The following PTPRT variants were observed in gnomAD, a reference collection of about 807,000 sequenced individuals.
PTPRT encodes the protein receptor-type tyrosine-protein phosphatase T.
A neutral mutation model predicts 176.8 loss-of-function variants in PTPRT; 56 were observed. The observed-to-expected ratio is 0.32, with a 90% CI of 0.26 to 0.40. PTPRT has a LOEUF of 0.40. Among genes scored for constraint, PTPRT ranks in the 10% least tolerant of loss-of-function variants. The pLI is 1.00. For missense variants in PTPRT, 1,540 were observed against 1,908.2 expected (o/e 0.81, Z 3.60); for synonymous variants, 783 against 739.0 (o/e 1.06, Z -0.96).
Position 42,976,407 on chromosome 20 carries a change from A to T in PTPRT, c.89-90475T>A, listed in dbSNP as rs936631756. On this transcript the variant is annotated intron_variant, in intron 1 of 30. Transcript: ENST00000373187. ...AAAGTATAGTATGCATTTTTTATTT[A>T]TTTTTTTTTTTTTATTGAGACAGAG... Among the ~76,000 whole-genome samples the T allele has an allele frequency of 2.4e-3, 351 of 145,564 alleles. 1 individual carries two copies. Among genetic ancestry groups the T allele is most frequent in the African/African-American group, 8.2e-3 (331 of 40,156 alleles).
At chr20:42,921,447 C>T (rs1439677100) in intron 1 of PTPRT, among the ~76,000 whole-genome samples, 1 of 152,048 alleles carries the variant, frequency 6.6e-6, no homozygotes, top group Non-Finnish European at 1.5e-5. Context: ...TAGCTGGGCA[C>T]GATGGCATCC....
intron 1 of PTPRT, among the ~76,000 whole-genome samples, chr20:43,091,206 C>A (rs2011834225): frequency 6.6e-6 from 1 of 151,902 alleles, no homozygotes; most frequent in Non-Finnish European, 1.5e-5. Flanking sequence ...GCACTCCAGC[C>A]TGGGCGACGG....
At chr20:42,948,922 A>G (rs909816467) in intron 1 of PTPRT, among the ~76,000 whole-genome samples, 35 of 152,204 alleles carry the variant, frequency 2.3e-4, no homozygotes, top group African/African-American at 8.0e-4. Flanking sequence ...CCAAATGGAC[A>G]GGCTGCTGGG....
At chr20:42,309,813 A>G (rs1309433378) in intron 12 of PTPRT, among the ~76,000 whole-genome samples, 1 of 152,112 alleles carries the variant, frequency 6.6e-6, no homozygotes, top group Non-Finnish European at 1.5e-5. Flanking sequence ...AAAACAAAAA[A>G]CCCAAACACA....
intron 1 of PTPRT, among the ~76,000 whole-genome samples, chr20:43,064,416 G>A (rs1381234095): frequency 6.6e-6 from 1 of 152,150 alleles, no homozygotes; most frequent in African/African-American, 2.4e-5. Flanking sequence ...ATGAAATGTT[G>A]AGGTTGTTAT....
At chr20:42,452,731 A>G (rs1329486568) in intron 8 of PTPRT, among the ~76,000 whole-genome samples, 1 of 152,182 alleles carries the variant, frequency 6.6e-6, no homozygotes, top group African/African-American at 2.4e-5. Flanking sequence ...TCTGGGGAAA[A>G]TTCTCTTTCT....
At chr20:42,164,998 C>G (rs141801363) in intron 16 of PTPRT, among the ~76,000 whole-genome samples, 3 of 152,248 alleles carry the variant, frequency 2.0e-5, no homozygotes, top group African/African-American at 4.8e-5. Context: ...TTACCTAACC[C>G]TGTGAATTCC....
At chr20:43,017,943 T>C (rs1023597958) in intron 1 of PTPRT, among the ~76,000 whole-genome samples, 4 of 152,220 alleles carry the variant, frequency 2.6e-5, no homozygotes, top group Non-Finnish European at 5.9e-5. Flanking sequence ...TCACCCTCCA[T>C]GTGGCCATCT....
At chr20:42,993,252 A>C (rs1016811651) in intron 1 of PTPRT, among the ~76,000 whole-genome samples, 3 of 151,220 alleles carry the variant, frequency 2.0e-5, no homozygotes, top group African/African-American at 7.3e-5. Context: ...CCCTGTCTCT[A>C]CTAAAAATAC....
At position 42,274,243 on chromosome 20, in the gene PTPRT, G is replaced by A. The variant is rs1055941269; in HGVS notation, c.2176+8246C>T. On this transcript the variant is annotated intron_variant, in intron 13 of 30. Coordinates refer to ENST00000373187, the MANE Select transcript of PTPRT (RefSeq NM_007050.6). ...AGTGGAAGTGGCATGAGTCATTTCC[G>A]AGTGACATATTTAAGATCCAAGTTG... Among the ~76,000 whole-genome samples the A allele has an allele frequency of 9.0e-4, 137 of 152,308 alleles. 2 individuals carry two copies. Among genetic ancestry groups the A allele is most frequent in the Non-Finnish European group, 1.1e-3 (75 of 68,028 alleles).
chr20:42,835,903 T>C (rs1418051233), intron 2 of PTPRT, among the ~76,000 whole-genome samples: 2 of 152,102 alleles, frequency 1.3e-5, no homozygotes, highest in African/African-American at 4.8e-5. Context: ...ATGAAGACAG[T>C]CTGCATTTAG....
the PTPRT span, among the ~76,000 whole-genome samples, chr20:42,039,328 A>G: frequency 2.0e-5 from 3 of 152,178 alleles, no homozygotes; most frequent in Admixed American, 6.5e-5. Flanking sequence ...ATTAGTTCAC[A>G]TACCTATTTT....
intron 9 of PTPRT, among the ~76,000 whole-genome samples, chr20:42,384,110 G>A (rs750043358): frequency 4.6e-5 from 7 of 152,170 alleles, no homozygotes; most frequent in Non-Finnish European, 7.3e-5. Flanking sequence ...TGTCACTGTG[G>A]GGCTTCACGT....
intron 1 of PTPRT, among the ~76,000 whole-genome samples, chr20:43,079,182 C>G (rs1427431055): frequency 7.5e-6 from 1 of 133,138 alleles, no homozygotes; most frequent in Non-Finnish European, 1.6e-5. Flanking sequence ...CTCCCTCCCC[C>G]CCCCCAGCCC....
chr20:43,141,582 C>T (rs2014007182), intron 1 of PTPRT, among the ~76,000 whole-genome samples: 1 of 152,212 alleles, frequency 6.6e-6, no homozygotes, highest in Non-Finnish European at 1.5e-5. Flanking sequence ...GCCACGTGTC[C>T]AAGCCCAGAT....
chr20:42,255,967 T>C (rs1472979217), intron 13 of PTPRT, among the ~76,000 whole-genome samples: 2 of 152,190 alleles, frequency 1.3e-5, no homozygotes, highest in Non-Finnish European at 1.5e-5. Context: ...AGGCAAATCT[T>C]ACTTTGCTGG....
chr20:42,315,646 G>T, intron 12 of PTPRT, 77 bp downstream of exon 12: 1 of 1,517,538 alleles, frequency 6.6e-7, no homozygotes, highest in East Asian at 2.3e-5. Flanking sequence ...CTCTGCTCTA[G>T]AGCCCTGCTG....
chr20:43,071,505 C>T (rs2011179734), intron 1 of PTPRT, among the ~76,000 whole-genome samples: 1 of 152,158 alleles, frequency 6.6e-6, no homozygotes, highest in Non-Finnish European at 1.5e-5. Flanking sequence ...AAAGTTCAGG[C>T]CAGGCGCGGT....
At chr20:42,099,546 C>CGGGGGGGGGGGGG (rs59137378) in intron 26 of PTPRT, among the ~76,000 whole-genome samples, 1 of 28,910 alleles carries the variant, frequency 3.5e-5, no homozygotes, top group African/African-American at 1.3e-4. Context: ...ATGGCCTGGG[C>CGGGGGGGGGGGGG]GGGGGGGGGG....
Sources: allele counts gnomAD v4.1 joint callset (sites outside exome capture counted in the v4.1 genomes callset), GRCh38; gene constraint gnomAD v4.1.1; transcripts MANE v1.5; gene names NCBI Gene and HGNC (gene_info 2026-07-23, HGNC 2026-07-21).